NPLOC4: variants seen among roughly 807,000 people sequenced by gnomAD.
NPLOC4 encodes nuclear protein localization protein 4 homolog.
Under a neutral mutation model 80.6 loss-of-function variants are expected in NPLOC4, and 18 were observed. The observed-to-expected ratio is 0.22, with a 90% CI of 0.15 to 0.33. The LOEUF (loss-of-function observed/expected upper bound fraction) is 0.33. Ranked by LOEUF, NPLOC4 falls within the 10% of genes least tolerant of loss-of-function variation. The pLI, the probability that NPLOC4 is intolerant of heterozygous loss-of-function variation, is 1.00. For synonymous variants in NPLOC4, 313 were observed against 301.5 expected (o/e 1.04, Z -0.39); for missense variants, 540 against 786.1 (o/e 0.69, Z 3.74).
At chr17:81,570,280 G>C (rs1034984065) in intron 13 of NPLOC4, among the ~76,000 whole-genome samples, 4 of 152,230 alleles carry the variant, frequency 2.6e-5, no homozygotes, top group Non-Finnish European at 5.9e-5. Context: ...TCTTCCTCAG[G>C]ATGAAGATGA....
rs547772824 is a variant in NPLOC4 at position 81,570,828 on chromosome 17, G to T, written c.1353+1189C>A. ...GCACCTGCTCTCAAGGACTCCCCAT[G>T]CCTCACTTCCACAGGGTCAAGGAGC... On this transcript the variant is annotated intron_variant, in intron 13 of 16. Coordinates refer to ENST00000331134, the MANE Select transcript of NPLOC4 (RefSeq NM_017921.4). Among the ~76,000 whole-genome samples the T allele has an allele frequency of 5.3e-5, 8 of 152,298 alleles. No individual in the cohort carries two copies. In the South Asian group the frequency reaches 1.7e-3, roughly 32 times the overall value.
intron 11 of NPLOC4, among the ~76,000 whole-genome samples, chr17:81,594,970 C>A (rs1598646091): frequency 6.6e-6 from 1 of 151,370 alleles, no homozygotes; most frequent in African/African-American, 2.4e-5. Context: ...AAAAAAAAAA[C>A]ACAAAAACCC....
At chr17:81,619,801 C>CCTGG (rs1489118229) in intron 3 of NPLOC4, among the ~76,000 whole-genome samples, 1 of 151,334 alleles carries the variant, frequency 6.6e-6, no homozygotes, top group East Asian at 2.0e-4. Context: ...ATCGCTTGAA[C>CCTGG]CTGGGAGGCA....
At chr17:81,568,965 A>G (rs749930800) in intron 14 of NPLOC4, 51 bp downstream of exon 14, 160 of 1,136,550 alleles carry the variant, frequency 1.4e-4, no homozygotes, top group Non-Finnish European at 2.1e-4. Context: ...CTGACACTAG[A>G]TAACAATCAG....
chr17:81,633,960 G>A (rs969683533), intron 1 of NPLOC4, among the ~76,000 whole-genome samples: 4 of 151,334 alleles, frequency 2.6e-5, no homozygotes, highest in South Asian at 2.1e-4. Flanking sequence ...TCCGCCTCCC[G>A]GGTTCTAACT....
chr17:81,627,963 A>G (rs2035838609), intron 2 of NPLOC4, among the ~76,000 whole-genome samples: 2 of 151,948 alleles, frequency 1.3e-5, no homozygotes, highest in South Asian at 4.2e-4. Flanking sequence ...TTGAATGAAA[A>G]TATCCTTGGG....
At chr17:81,619,013 G>C (rs1281537812) in intron 3 of NPLOC4, among the ~76,000 whole-genome samples, 2 of 151,952 alleles carry the variant, frequency 1.3e-5, no homozygotes, top group Non-Finnish European at 2.9e-5. Flanking sequence ...CAGCATGCTG[G>C]TTAAGAGTCA....
Position 81,567,306 on chromosome 17 carries a change from G to A in NPLOC4, c.1566+111C>T. On this transcript the variant is annotated intron_variant, in intron 15 of 16. Transcript: ENST00000331134. This position sits in a 1 kb window ranked among gnomAD's most constrained non-coding sequence, Gnocchi z 4.5. ...GGGACAACCTGTGACCCCGAGCTTTGACCCAGTTTCCCAATCATGCTCTGG... is the reference window on the plus strand; with the variant it reads ...GGGACAACCTGTGACCCCGAGCTTTAACCCAGTTTCCCAATCATGCTCTGG... The A allele has an allele frequency of 2.9e-6, 2 of 688,204 alleles. No homozygotes were observed. Among genetic ancestry groups the A allele is most frequent in the East Asian group, 2.7e-5 (1 of 36,792 alleles). 42.6% of individuals were successfully genotyped at this position (688,204 alleles called of 1,614,324 possible).
At position 81,572,841 on chromosome 17, in the gene NPLOC4, C is replaced by T. The variant is rs1431415454; in HGVS notation, c.1282-753G>A. Among the ~76,000 whole-genome samples, 1 of 152,140 alleles carries T rather than the reference C, an allele frequency of 6.6e-6. No homozygotes were observed. Among genetic ancestry groups the T allele is most frequent in the African/African-American group, 2.4e-5 (1 of 41,410 alleles). ...AATCTTACTCACACCTCTGAAAACC[C>T]GACTTTCCAGAAACCGAGTACTTGG... On this transcript the variant is annotated intron_variant, in intron 12 of 16. Coordinates refer to ENST00000331134, the MANE Select transcript of NPLOC4 (RefSeq NM_017921.4). The surrounding 1 kb of genome is among the most constrained non-coding windows in gnomAD (Gnocchi z 4.5).
intron 3 of NPLOC4, among the ~76,000 whole-genome samples, chr17:81,615,659 G>A (rs1310154197): frequency 2.6e-5 from 4 of 152,208 alleles, no homozygotes; most frequent in South Asian, 2.1e-4. Flanking sequence ...GGCCTACAGC[G>A]GTTTGCTGGG....
At chr17:81,573,985 T>C (rs1194423456) in intron 12 of NPLOC4, among the ~76,000 whole-genome samples, 1 of 152,214 alleles carries the variant, frequency 6.6e-6, no homozygotes, top group Non-Finnish European at 1.5e-5. Flanking sequence ...CTCTGCTGGC[T>C]GTGATGGGGG....
At chr17:81,625,531 A>G (rs1218986981) in intron 2 of NPLOC4, among the ~76,000 whole-genome samples, 1 of 152,234 alleles carries the variant, frequency 6.6e-6, no homozygotes, top group African/African-American at 2.4e-5. Context: ...AAGAACAGAA[A>G]TAAAAAATTC....
At chr17:81,628,372 G>C (rs1287395657) in intron 2 of NPLOC4, among the ~76,000 whole-genome samples, 1 of 151,936 alleles carries the variant, frequency 6.6e-6, no homozygotes, top group Non-Finnish European at 1.5e-5. Flanking sequence ...AAATTAGTCA[G>C]GTATGGTGGC....
chr17:81,562,497 C>T (rs2033879866), intron 16 of NPLOC4: 1 of 152,148 alleles, frequency 6.6e-6, no homozygotes, highest in Non-Finnish European at 1.5e-5. Context: ...TGAGATCACA[C>T]TACTGCACTC....
intron 3 of NPLOC4, among the ~76,000 whole-genome samples, chr17:81,617,635 C>A (rs915946045): frequency 1.3e-5 from 2 of 151,478 alleles, no homozygotes; most frequent in Admixed American, 6.6e-5. Flanking sequence ...CGGTGAGATC[C>A]CGTCTCTATT....
chr17:81,597,163 G>A, intron 10 of NPLOC4, 82 bp downstream of exon 10: 2 of 958,600 alleles, frequency 2.1e-6, no homozygotes, highest in Non-Finnish European at 1.7e-6. Context: ...AACCAGCGGT[G>A]CAAAGAGACC....
intron 16 of NPLOC4, chr17:81,563,588 G>GAAA (rs751552683): frequency 5.5e-5 from 8 of 145,658 alleles, no homozygotes; most frequent in Admixed American, 1.5e-4. Flanking sequence ...AAACAAAAAA[G>GAAA]AAAAAAAAAA....
At chr17:81,598,930 A>C (rs180724193) in intron 9 of NPLOC4, among the ~76,000 whole-genome samples, 2 of 152,200 alleles carry the variant, frequency 1.3e-5, no homozygotes, top group Non-Finnish European at 2.9e-5. Context: ...ATGAAACTTA[A>C]AGGGTTAATT....
chr17:81,613,049 C>T (rs1361871401), intron 4 of NPLOC4: 2 of 319,936 alleles, frequency 6.3e-6, no homozygotes, highest in African/African-American at 4.4e-5. Flanking sequence ...TCCCCCAATA[C>T]CTTTCCAGTC....
Sources: gnomAD v4.1 joint callset for allele counts (sites outside exome capture counted in the v4.1 genomes callset) on GRCh38, gnomAD v4.1.1 for gene constraint, Gnocchi (gnomAD v3.1) non-coding constraint, MANE v1.5 for transcripts, NCBI Gene and HGNC (gene_info 2026-07-23, HGNC 2026-07-21) for gene names.